The following MARCHF1 variants were observed in gnomAD, a reference collection of about 807,000 sequenced individuals.
MARCHF1 encodes the protein membrane associated ring-CH-type finger 1.
In MARCHF1, 40 loss-of-function variants were observed where a neutral mutation model predicts 54.2. The observed-to-expected ratio is 0.74, with a 90% CI of 0.57 to 0.96. The LOEUF is 0.96. MARCHF1 is among the 40% of genes least tolerant of loss of function. The pLI is 0.00. For missense variants in MARCHF1, 586 were observed against 656.5 expected, an observed-to-expected ratio of 0.89 and a Z score of 1.17; for synonymous variants, 236 against 236.3, an observed-to-expected ratio of 1.00 and a Z score of 0.01.
intron 8 of MARCHF1, among the ~76,000 whole-genome samples, chr4:163,548,325 A>C (rs1313365692): frequency 1.3e-5 from 2 of 152,230 alleles, no homozygotes; most frequent in African/African-American, 2.4e-5. Context: ...GCAGTAACGA[A>C]ATATTCATAT....
chr4:164,036,079 G>A (rs751235666), intron 2 of MARCHF1, among the ~76,000 whole-genome samples: 30 of 147,878 alleles, frequency 2.0e-4, no homozygotes, highest in Non-Finnish European at 3.7e-4. Context: ...ATCCAGCCTG[G>A]GTGATACAGT....
chr4:163,776,312 ATCTGTCTCTCTCTT>A (rs528118801), intron 4 of MARCHF1, among the ~76,000 whole-genome samples: 13 of 151,636 alleles, frequency 8.6e-5, no homozygotes, highest in Middle Eastern at 3.2e-3. Flanking sequence ...TATCTGTTCT[ATCTGTCTCTCTCTT>A]TCTGTCTCTC....
intron 2 of MARCHF1, among the ~76,000 whole-genome samples, chr4:164,071,451 TATG>T (rs1005185787): frequency 5.3e-5 from 8 of 152,242 alleles, no homozygotes; most frequent in Admixed American, 2.0e-4. Flanking sequence ...GTGATTAAAA[TATG>T]ATACTTTTAA....
intron 7 of MARCHF1, among the ~76,000 whole-genome samples, chr4:163,604,766 C>T (rs1741088793): frequency 6.6e-6 from 1 of 152,036 alleles, no homozygotes; most frequent in South Asian, 2.1e-4. Context: ...CCTTGTATAC[C>T]ATATCTCACT....
At chr4:164,148,203 G>C (rs530554344) in intron 1 of MARCHF1, among the ~76,000 whole-genome samples, 5 of 151,510 alleles carry the variant, frequency 3.3e-5, no homozygotes, top group African/African-American at 1.2e-4. Flanking sequence ...ATGTAACAGA[G>C]GACGAAAAAG....
rs74858655 is a variant in MARCHF1, at chr4:164,116,059, C to T, written c.-322-4397G>A. 5.2e-3 allele frequency among the ~76,000 whole-genome samples: 789 copies of T among 152,116 alleles called. 4 individuals carry two copies. Among genetic ancestry groups the T allele is most frequent in the Non-Finnish European group, 7.7e-3 (524 of 67,938 alleles). On this transcript the variant is annotated intron_variant, in intron 1 of 9. Coordinates refer to ENST00000514618, the MANE Select transcript of MARCHF1 (RefSeq NM_001394959.1). ...AAATCTAAATAACTTATCTTTACTTCATCAAACTTTAGATGATATTGATAA... is the reference window on the plus strand; with the variant it reads ...AAATCTAAATAACTTATCTTTACTTTATCAAACTTTAGATGATATTGATAA...
At chr4:163,836,852 C>T (rs1749202051) in intron 4 of MARCHF1, among the ~76,000 whole-genome samples, 1 of 151,216 alleles carries the variant, frequency 6.6e-6, no homozygotes, top group Non-Finnish European at 1.5e-5. Flanking sequence ...CCCATTAGCC[C>T]CCTGGAAGCC....
intron 1 of MARCHF1, among the ~76,000 whole-genome samples, chr4:164,309,074 A>T (rs1560996706): frequency 6.6e-6 from 1 of 152,122 alleles, no homozygotes; most frequent in Non-Finnish European, 1.5e-5. Context: ...GATGATTGAT[A>T]GGTATGGAGA....
chr4:164,285,397 C>T (rs561243723), intron 1 of MARCHF1, among the ~76,000 whole-genome samples: 1 of 152,014 alleles, frequency 6.6e-6, no homozygotes, highest in Non-Finnish European at 1.5e-5. Context: ...CATAGGAAGA[C>T]CCCATCTCTA....
At chr4:164,142,282 C>A (rs1332496876) in intron 1 of MARCHF1, among the ~76,000 whole-genome samples, 1 of 152,174 alleles carries the variant, frequency 6.6e-6, no homozygotes, top group East Asian at 1.9e-4. Flanking sequence ...CTTAGGTAAA[C>A]AAAGCAGCCT....
chr4:163,853,236 T>C (rs763521645), intron 4 of MARCHF1, among the ~76,000 whole-genome samples: 3 of 152,234 alleles, frequency 2.0e-5, no homozygotes, highest in Admixed American at 6.5e-5. Context: ...TATTTACTTA[T>C]ATGTTCAACT....
intron 3 of MARCHF1, among the ~76,000 whole-genome samples, chr4:163,865,883 G>T (rs1750036533): frequency 6.6e-6 from 1 of 151,242 alleles, no homozygotes; most frequent in Admixed American, 6.6e-5. Flanking sequence ...AAACCCTAAA[G>T]ATTAAAAAAA....
At chr4:163,904,375 T>C (rs985977222) in intron 3 of MARCHF1, among the ~76,000 whole-genome samples, 1 of 152,206 alleles carries the variant, frequency 6.6e-6, no homozygotes, top group African/African-American at 2.4e-5. Flanking sequence ...CTGGGTTATA[T>C]TAGGGCAGGG....
chr4:163,828,647 G>A (rs140180488), intron 4 of MARCHF1, among the ~76,000 whole-genome samples: 4 of 152,076 alleles, frequency 2.6e-5, no homozygotes, highest in Admixed American at 2.0e-4. Flanking sequence ...ACACATACAC[G>A]CAAAGCCTCA....
At chr4:163,599,547 C>G (rs952048108) in intron 7 of MARCHF1, among the ~76,000 whole-genome samples, 2 of 152,128 alleles carry the variant, frequency 1.3e-5, no homozygotes, top group Non-Finnish European at 2.9e-5. Flanking sequence ...TGTCCTTTCA[C>G]AGATTTGTTA....
chr4:163,781,446 G>A (rs1350952680), intron 4 of MARCHF1, among the ~76,000 whole-genome samples: 2 of 152,148 alleles, frequency 1.3e-5, no homozygotes, highest in African/African-American at 4.8e-5. Context: ...GGTGGCGGAG[G>A]GGAGCCTTTA....
intron 4 of MARCHF1, among the ~76,000 whole-genome samples, chr4:163,764,265 A>C (rs1272015249): frequency 6.6e-6 from 1 of 152,056 alleles, no homozygotes; most frequent in Non-Finnish European, 1.5e-5. Flanking sequence ...GTATGACCTC[A>C]ACACTTCTTT....
intron 1 of MARCHF1, among the ~76,000 whole-genome samples, chr4:164,308,050 C>T (rs1484035826): frequency 6.6e-6 from 1 of 152,104 alleles, no homozygotes; most frequent in African/African-American, 2.4e-5. Flanking sequence ...CTTAACTATA[C>T]ACTAATGAAT....
chr4:164,078,439 A>T (rs534546009), intron 2 of MARCHF1, among the ~76,000 whole-genome samples: 1 of 152,306 alleles, frequency 6.6e-6, no homozygotes, highest in Non-Finnish European at 1.5e-5. Context: ...TGACAGGTTG[A>T]TGGGTACAAC....
Sources: gnomAD v4.1 joint callset for allele counts (sites outside exome capture counted in the v4.1 genomes callset) on GRCh38, gnomAD v4.1.1 for gene constraint, MANE v1.5 for transcripts, NCBI Gene and HGNC (gene_info 2026-07-23, HGNC 2026-07-21) for gene names.